Variants in DEAF1 observed in about 807,000 individuals in gnomAD.
The protein encoded by DEAF1 is DEAF1 transcription factor.
In DEAF1, 53 loss-of-function variants were observed where a neutral mutation model predicts 58.9. That is an observed-to-expected ratio of 0.90 (90% CI 0.72 to 1.13). The LOEUF is 1.13. Ranked by LOEUF, DEAF1 falls within the 50% of genes most tolerant of loss-of-function variation. The pLI is 0.00. For missense variants in DEAF1, 685 were observed against 791.4 expected (o/e 0.87, Z 1.61); for synonymous variants, 385 against 340.4 (o/e 1.13, Z -1.44).
chr11:652,908 A>AC (rs1159662233), intron 11 of DEAF1, among the ~76,000 whole-genome samples: 11 of 151,446 alleles, frequency 7.3e-5, no homozygotes, highest in Admixed American at 4.0e-4. Flanking sequence ...ACGTGGTGAG[A>AC]CCCCGTCTCT....
At chr11:681,321 G>A (rs1285571834) in intron 6 of DEAF1, among the ~76,000 whole-genome samples, 4 of 152,016 alleles carry the variant, frequency 2.6e-5, no homozygotes, top group African/African-American at 7.3e-5. Flanking sequence ...TGCAACCTCC[G>A]CCTCCCAGGT....
At chr11:668,934 T>A (rs1389351400) in intron 10 of DEAF1, among the ~76,000 whole-genome samples, 1 of 152,182 alleles carries the variant, frequency 6.6e-6, no homozygotes, top group African/African-American at 2.4e-5. Flanking sequence ...CATGCCATTC[T>A]CCTGCCTCAG....
rs914492336 is a variant in DEAF1, at chr11:661,603, G to C, written c.1504-7552C>G. 2.6e-5 allele frequency among the ~76,000 whole-genome samples: 4 copies of C among 152,084 alleles called. No individual in the cohort carries two copies. In the East Asian group the frequency reaches 5.8e-4, roughly 22 times the overall value. ...CAAGCGCCTGTAACCCCAGCTACTC[G>C]GGAGGCTGAGGCAGAAGAATCGCTT... On this transcript the variant is annotated intron_variant, in intron 10 of 11. Transcript: ENST00000382409.
At chr11:677,107 C>T (rs1362717916) in intron 9 of DEAF1, among the ~76,000 whole-genome samples, 3 of 151,346 alleles carry the variant, frequency 2.0e-5, no homozygotes, top group Admixed American at 2.0e-4. Context: ...ATAAATACTT[C>T]ACCAACACCC....
At chr11:652,018 C>A (rs189212500) in intron 11 of DEAF1, among the ~76,000 whole-genome samples, 2 of 152,164 alleles carry the variant, frequency 1.3e-5, no homozygotes, top group Non-Finnish European at 2.9e-5. Context: ...TATCAACCAA[C>A]CTAACTGATA....
chr11:696,078 G>T (rs915767206), upstream of DEAF1, among the ~76,000 whole-genome samples: 4 of 152,042 alleles, frequency 2.6e-5, no homozygotes, highest in African/African-American at 4.8e-5. Context: ...CCCCGGGCAG[G>T]GTGGGTGCGG....
In DEAF1 at chr11:694,989, GCCA is replaced by G. The variant is rs1445772540; in HGVS notation, c.56_58del (p.Val19del). The G allele has an allele frequency of 1.8e-6, 2 of 1,141,968 alleles. No individual in the cohort carries two copies. The highest frequency in any genetic ancestry group is 1.7e-5 in the African/African-American group (1 of 59,558). 70.7% of individuals were successfully genotyped at this position (1,141,968 alleles called of 1,614,324 possible). On this transcript the variant is annotated inframe_deletion, in exon 1 of 12. Transcript: ENST00000382409. ...CGCCGCCGCCACAGCGGCCGCGGCC[GCCA>G]CCGCCGCCGCCTCAGCCAGGCCCAG...
intron 11 of DEAF1, among the ~76,000 whole-genome samples, chr11:652,076 T>A (rs573015149): frequency 2.2e-4 from 34 of 152,338 alleles, no homozygotes; most frequent in African/African-American, 7.7e-4. Context: ...ACACTCTCCA[T>A]GATAAGACCA....
At chr11:667,206 T>C (rs1440645018) in intron 10 of DEAF1, among the ~76,000 whole-genome samples, 1 of 151,964 alleles carries the variant, frequency 6.6e-6, no homozygotes, top group Non-Finnish European at 1.5e-5. Context: ...CCGGTAGTCC[T>C]AGCTACTCTG....
At chr11:646,316 A>G (rs533717978) in intron 11 of DEAF1, 1 of 152,170 alleles carries the variant, frequency 6.6e-6, no homozygotes, top group South Asian at 2.1e-4. Flanking sequence ...ACATAGCATG[A>G]AAGCACATAC....
At chr11:674,035 G>A in intron 10 of DEAF1, 1 of 236,926 alleles carries the variant, frequency 4.2e-6, no homozygotes, top group South Asian at 5.7e-5. Context: ...ACTACGCCCT[G>A]TGAGCCTCCC....
intron 10 of DEAF1, among the ~76,000 whole-genome samples, chr11:668,843 TTA>T (rs1859674823): frequency 6.6e-6 from 1 of 152,128 alleles, no homozygotes; most frequent in Non-Finnish European, 1.5e-5. Flanking sequence ...TTGTTTTTTT[TTA>T]GACAGAGTCT....
At chr11:689,073 C>T (rs1057254251) in intron 2 of DEAF1, among the ~76,000 whole-genome samples, 7 of 152,208 alleles carry the variant, frequency 4.6e-5, no homozygotes, top group South Asian at 2.1e-4. Context: ...GTTCACCCCA[C>T]GGTGGGGCAG....
At position 675,336 on chromosome 11, in the gene DEAF1, T is replaced by C. The variant is rs917625608; in HGVS notation, c.1256-553A>G. 1.2e-4 allele frequency among the ~76,000 whole-genome samples: 18 copies of C among 152,060 alleles called. 1 individual carries two copies. Among genetic ancestry groups the C allele is most frequent in the African/African-American group, 3.9e-4 (16 of 41,390 alleles). ...GAGTTCAAGACCAGCCTGGGCAACA[T>C]AGCAGGACCTTGCCTCTACAAAACA... On this transcript the variant is annotated intron_variant, in intron 9 of 11. Coordinates refer to ENST00000382409, the MANE Select transcript of DEAF1 (RefSeq NM_021008.4).
chr11:696,660 G>GGAGGCT (rs1861181967), upstream of DEAF1, among the ~76,000 whole-genome samples: 1 of 146,332 alleles, frequency 6.8e-6, no homozygotes, highest in South Asian at 2.1e-4. Context: ...AAGCTATTCT[G>GGAGGCT]GAGGCTGAGG....
chr11:653,861 C>G, intron 11 of DEAF1, 101 bp downstream of exon 11: 8 of 1,013,652 alleles, frequency 7.9e-6, no homozygotes, highest in Non-Finnish European at 1.3e-5. Context: ...GGAGGGGAGT[C>G]AGGTGTGGCA....
chr11:679,550 T>TC, intron 8 of DEAF1, 138 bp downstream of exon 8: 1 of 1,360,546 alleles, frequency 7.3e-7, no homozygotes, highest in South Asian at 1.2e-5. Flanking sequence ...TCACACGCTG[T>TC]CCCCACCAAC....
At chr11:699,829 G>T, upstream of DEAF1, 3 of 315,992 alleles carry the variant, frequency 9.5e-6, no homozygotes, top group South Asian at 7.0e-5. Context: ...TGACATCACT[G>T]GGGATGCCAG....
intron 1 of DEAF1, chr11:703,668 AC>A (rs1341948605): frequency 6.5e-6 from 8 of 1,232,176 alleles, no homozygotes; most frequent in Non-Finnish European, 8.1e-6. Flanking sequence ...GCTCTGAGCA[AC>A]CCCAGCTCTG....
Sources: allele counts gnomAD v4.1 joint callset (sites outside exome capture counted in the v4.1 genomes callset), GRCh38; gene constraint gnomAD v4.1.1; transcripts MANE v1.5; gene names NCBI Gene and HGNC (gene_info 2026-07-23, HGNC 2026-07-21).